Variants in DYTN observed in about 807,000 individuals in gnomAD.
The protein encoded by DYTN is dystrotelin.
Under a neutral mutation model 69.6 loss-of-function variants are expected in DYTN, and 75 were observed. The observed-to-expected ratio is 1.08, with a 90% CI of 0.89 to 1.31. The LOEUF (loss-of-function observed/expected upper bound fraction) is 1.31. DYTN is among the 50% of genes most tolerant of loss of function. The probability of loss-of-function intolerance (pLI) is 0.00; values close to 1 mark genes in which losing one functional copy is unlikely to be tolerated. For missense variants in DYTN, 726 were observed against 688.4 expected, an observed-to-expected ratio of 1.05 and a Z score of -0.61; for synonymous variants, 252 against 249.1, an observed-to-expected ratio of 1.01 and a Z score of -0.11.
chr2:206,699,369 G>C (rs1007405597), intron 7 of DYTN, among the ~76,000 whole-genome samples: 1 of 152,176 alleles, frequency 6.6e-6, no homozygotes, highest in African/African-American at 2.4e-5. Flanking sequence ...GGGGTTTGAA[G>C]CTGCAGTGAG....
intron 1 of DYTN, among the ~76,000 whole-genome samples, chr2:206,717,235 GT>G (rs1700138700): frequency 6.6e-6 from 1 of 152,164 alleles, no homozygotes; most frequent in Non-Finnish European, 1.5e-5. Context: ...CAGGATTCTT[GT>G]TTTTGCTCAG....
At chr2:206,673,770 C>T (rs72958670) in intron 9 of DYTN, among the ~76,000 whole-genome samples, 21,138 of 152,106 alleles carry the variant, frequency 0.14, 2,438 homozygotes, top group African/African-American at 0.31. Flanking sequence ...TGTCCGCTAA[C>T]GTGGTAAACA....
At chr2:206,699,645 A>C in intron 7 of DYTN, 82 bp downstream of exon 7, 1 of 1,472,238 alleles carries the variant, frequency 6.8e-7, no homozygotes, top group Non-Finnish European at 9.0e-7. Context: ...GGAGGACCCC[A>C]AAAAGAATCT....
At chr2:206,716,243 T>A (rs1700129466) in intron 1 of DYTN, among the ~76,000 whole-genome samples, 1 of 152,298 alleles carries the variant, frequency 6.6e-6, no homozygotes, top group South Asian at 2.1e-4. Flanking sequence ...CTGTTACACA[T>A]AAGATACTGA....
In DYTN at chr2:206,718,320, T is replaced by C. The variant is rs1424436385; in HGVS notation, c.-41A>G. The C allele has an allele frequency of 2.5e-6, 4 of 1,593,720 alleles. No individual in the cohort carries two copies. The highest frequency in any genetic ancestry group is 1.3e-5 in the African/African-American group (1 of 74,438). On this transcript the variant is annotated 5_prime_UTR_variant, in exon 1 of 12. Coordinates refer to ENST00000452335, the MANE Select transcript of DYTN (RefSeq NM_001093730.1). ...GAATGACAGATGGCAAGTGGGTCCC[T>C]GTAACTAGAAATGAACCAGTATTTT...
At chr2:206,690,254 G>T (rs1388949056) in intron 9 of DYTN, among the ~76,000 whole-genome samples, 1 of 152,170 alleles carries the variant, frequency 6.6e-6, no homozygotes, top group Non-Finnish European at 1.5e-5. Flanking sequence ...GTCCCCCGAG[G>T]TGGCAGCATG....
intron 2 of DYTN, among the ~76,000 whole-genome samples, chr2:206,710,004 A>G (rs1407661286): frequency 6.6e-6 from 1 of 152,226 alleles, no homozygotes; most frequent in East Asian, 1.9e-4. Context: ...AAAAAGGGGC[A>G]GTTCTCAGGG....
rs150120953 is a variant in DYTN at position 206,684,394 on chromosome 2, C to T, written c.980+8781G>A. Among the ~76,000 whole-genome samples the T allele has an allele frequency of 5.1e-4, 77 of 152,138 alleles. 1 individual carries two copies. The East Asian group carries it at 0.014, about 29-fold the overall frequency. ...ATCATGGCTCACTGCAGCATTGACC[C>T]CCTGGACTCCAGCGATCCTCCTACC... On this transcript the variant is annotated intron_variant, in intron 9 of 11. Coordinates refer to ENST00000452335, the MANE Select transcript of DYTN (RefSeq NM_001093730.1).
chr2:206,694,095 G>A (rs1234589245), intron 8 of DYTN, among the ~76,000 whole-genome samples: 1 of 152,212 alleles, frequency 6.6e-6, no homozygotes, highest in African/African-American at 2.4e-5. Context: ...GTTGCCATCT[G>A]TGTGAAGAAA....
At chr2:206,693,067 G>A in intron 9 of DYTN, 108 bp downstream of exon 9, 3 of 1,415,278 alleles carry the variant, frequency 2.1e-6, no homozygotes, top group Non-Finnish European at 2.8e-6. Flanking sequence ...CCCTCCTCCT[G>A]CCTTGTCTAG....
At chr2:206,703,033 A>G (rs778502988) in intron 5 of DYTN, among the ~76,000 whole-genome samples, 2 of 152,084 alleles carry the variant, frequency 1.3e-5, no homozygotes, top group East Asian at 3.9e-4. Context: ...AGTCAATGGG[A>G]TGATAATTTC....
intron 11 of DYTN, among the ~76,000 whole-genome samples, chr2:206,656,764 CTT>C (rs34895289): frequency 3.0e-4 from 41 of 138,586 alleles, no homozygotes; most frequent in Admixed American, 3.6e-4. Context: ...TCTAAATAGT[CTT>C]TTTTTTTTTT....
At chr2:206,707,184 CA>C in intron 3 of DYTN, 117 bp downstream of exon 3, 1 of 1,274,610 alleles carries the variant, frequency 7.8e-7, no homozygotes, top group Non-Finnish European at 1.1e-6. Flanking sequence ...GAAAAACAAA[CA>C]AAGAAGACTT....
intron 2 of DYTN, among the ~76,000 whole-genome samples, chr2:206,709,008 C>T (rs1700053747): frequency 6.6e-6 from 1 of 152,084 alleles, no homozygotes; most frequent in Admixed American, 6.5e-5. Flanking sequence ...CAGGAAAATG[C>T]ATAATTGGGG....
chr2:206,694,977 G>A (rs1699905719), intron 7 of DYTN, 100 bp from the exon 8 acceptor site: 1 of 784,370 alleles, frequency 1.3e-6, no homozygotes, highest in Non-Finnish European at 1.9e-6. Flanking sequence ...AAAATATACA[G>A]AAGATGTCTG....
intron 10 of DYTN, among the ~76,000 whole-genome samples, chr2:206,664,586 C>T (rs1248319782): frequency 6.6e-6 from 1 of 152,090 alleles, no homozygotes; most frequent in Non-Finnish European, 1.5e-5. Context: ...GCTTGAGCCC[C>T]AGGAGTTCGA....
At chr2:206,666,702 G>T (rs1258206878) in intron 9 of DYTN, among the ~76,000 whole-genome samples, 1 of 151,714 alleles carries the variant, frequency 6.6e-6, no homozygotes, top group Non-Finnish European at 1.5e-5. Flanking sequence ...GTTTAAGAAT[G>T]AACCAAGAAG....
rs78496366 is a variant in DYTN at position 206,702,059 on chromosome 2, G to C, written c.484-1843C>G. 1.5e-3 allele frequency among the ~76,000 whole-genome samples: 223 copies of C among 152,300 alleles called. 1 individual carries two copies. The East Asian group carries it at 0.03, about 21-fold the overall frequency. On this transcript the variant is annotated intron_variant, in intron 5 of 11. Transcript: ENST00000452335. ...CTCTTTCTTGAGGAGTTTCCATGAA[G>C]CTTTATCACAGCCCGACCTTACATA...
In DYTN at chr2:206,683,934, CTTTA is replaced by C. The variant is rs950410082; in HGVS notation, c.980+9237_980+9240del. ...TAAATTTGCTGCCATCTCTCCAAGT[CTTTA>C]TTTTTCTTACCTGCCTCTCCTTTTT... On this transcript the variant is annotated intron_variant, in intron 9 of 11. Coordinates refer to ENST00000452335, the MANE Select transcript of DYTN (RefSeq NM_001093730.1). Among the ~76,000 whole-genome samples, 178 of 152,096 alleles carry C rather than the reference CTTTA, an allele frequency of 1.2e-3. 1 individual carries two copies. The highest frequency in any genetic ancestry group is 3.9e-3 in the African/African-American group (163 of 41,484).
Sources: allele counts gnomAD v4.1 joint callset (sites outside exome capture counted in the v4.1 genomes callset), GRCh38; gene constraint gnomAD v4.1.1; transcripts MANE v1.5; gene names NCBI Gene and HGNC (gene_info 2026-07-23, HGNC 2026-07-21).